Variants in RAB38 observed in about 807,000 individuals in gnomAD.
The protein encoded by RAB38 is RAB38, member RAS oncogene family.
RAB38 carries 15 observed loss-of-function variants against 18.4 expected under a neutral mutation model. The observed-to-expected ratio is 0.82, with a 90% CI of 0.55 to 1.26. The LOEUF (loss-of-function observed/expected upper bound fraction) is 1.26. Among genes scored for constraint, RAB38 ranks in the 50% most tolerant of loss-of-function variants. The pLI is 0.00. For missense variants in RAB38, 294 were observed against 267.4 expected (o/e 1.10, Z -0.69); for synonymous variants, 101 against 104.4 (o/e 0.97, Z 0.20).
the RAB38 span, among the ~76,000 whole-genome samples, chr11:87,883,425 T>C: frequency 2.6e-5 from 4 of 152,060 alleles, no homozygotes; most frequent in South Asian, 8.3e-4. Flanking sequence ...ACAGTTTCTT[T>C]ATCTGCAAAA....
chr11:87,821,681 C>G, the RAB38 span, among the ~76,000 whole-genome samples: 7 of 151,898 alleles, frequency 4.6e-5, no homozygotes, highest in Non-Finnish European at 8.8e-5. Flanking sequence ...AAAACCCCAT[C>G]TCTACTCAAA....
chr11:87,949,429 T>C, the RAB38 span, among the ~76,000 whole-genome samples: 1 of 152,230 alleles, frequency 6.6e-6, no homozygotes, highest in Non-Finnish European at 1.5e-5. Flanking sequence ...TGCCTTCTGC[T>C]AGTTTTTGAA....
At chr11:87,945,792 G>A in the RAB38 span, among the ~76,000 whole-genome samples, 3 of 152,158 alleles carry the variant, frequency 2.0e-5, no homozygotes, top group Non-Finnish European at 2.9e-5. Flanking sequence ...GCTCGTAAAT[G>A]TAAAAGCTGC....
At chr11:88,053,228 GGAATATA>G in the RAB38 span, among the ~76,000 whole-genome samples, 1 of 67,274 alleles carries the variant, frequency 1.5e-5, no homozygotes, top group South Asian at 4.1e-4. Context: ...ACATATATAT[GGAATATA>G]TATATACACA....
chr11:87,847,417 C>T, the RAB38 span, among the ~76,000 whole-genome samples: 1 of 151,872 alleles, frequency 6.6e-6, no homozygotes, highest in South Asian at 2.1e-4. Flanking sequence ...TTTCTTAAGA[C>T]ATAACTTATA....
the RAB38 span, among the ~76,000 whole-genome samples, chr11:87,884,705 A>T: frequency 1.3e-5 from 2 of 151,948 alleles, no homozygotes; most frequent in African/African-American, 4.8e-5. Context: ...CTATGACTAG[A>T]TGGGCAAAAA....
At chr11:88,030,539 A>C in the RAB38 span, among the ~76,000 whole-genome samples, 1 of 152,190 alleles carries the variant, frequency 6.6e-6, no homozygotes, top group African/African-American at 2.4e-5. Flanking sequence ...AAAAATGATA[A>C]AGAGGATATA....
At chr11:88,165,963 G>A (rs1943238730) in intron 1 of RAB38, 1 of 152,078 alleles carries the variant, frequency 6.6e-6, no homozygotes, top group Non-Finnish European at 1.5e-5. Flanking sequence ...TGGGACTCAA[G>A]GGAGGAAGAA....
At chr11:87,892,005 T>G in the RAB38 span, among the ~76,000 whole-genome samples, 1 of 151,834 alleles carries the variant, frequency 6.6e-6, no homozygotes, top group African/African-American at 2.4e-5. Flanking sequence ...ATAAGAGGCA[T>G]AATTTATATA....
At chr11:87,813,362 G>A in the RAB38 span, among the ~76,000 whole-genome samples, 10 of 152,250 alleles carry the variant, frequency 6.6e-5, no homozygotes, top group Admixed American at 1.3e-4. Flanking sequence ...CATGTTCAAG[G>A]TTAAGATTAC....
chr11:87,953,001 A>C, the RAB38 span, among the ~76,000 whole-genome samples: 29 of 152,172 alleles, frequency 1.9e-4, no homozygotes, highest in South Asian at 6.0e-3. Flanking sequence ...TAAAACATTA[A>C]AATTAAAATT....
the RAB38 span, among the ~76,000 whole-genome samples, chr11:88,069,014 G>A: frequency 1.3e-5 from 2 of 152,158 alleles, no homozygotes; most frequent in African/African-American, 4.8e-5. Flanking sequence ...GGCCAAGGCT[G>A]GAGCTGGCTC....
At chr11:87,886,289 CA>C in the RAB38 span, among the ~76,000 whole-genome samples, 1 of 151,570 alleles carries the variant, frequency 6.6e-6, no homozygotes, top group Non-Finnish European at 1.5e-5. Flanking sequence ...CAACAGTATT[CA>C]GGGGGAAAAA....
the RAB38 span, among the ~76,000 whole-genome samples, chr11:87,960,433 C>T: frequency 6.6e-6 from 1 of 151,370 alleles, no homozygotes; most frequent in African/African-American, 2.4e-5. Context: ...GGACAGAAGC[C>T]CTGGGCATGA....
At chr11:88,044,281 G>A in the RAB38 span, among the ~76,000 whole-genome samples, 3 of 152,074 alleles carry the variant, frequency 2.0e-5, no homozygotes, top group Non-Finnish European at 2.9e-5. Context: ...CTCTGGTGGG[G>A]AGGAACCCCC....
the RAB38 span, among the ~76,000 whole-genome samples, chr11:87,909,499 T>G: frequency 2.0e-5 from 3 of 152,044 alleles, no homozygotes; most frequent in South Asian, 6.2e-4. Flanking sequence ...TAAGGTATAA[T>G]TGACATACTA....
At chr11:88,141,480 T>A in intron 2 of RAB38, among the ~76,000 whole-genome samples, 1 of 152,230 alleles carries the variant, frequency 6.6e-6, no homozygotes, top group East Asian at 1.9e-4. Context: ...TATTAGGATT[T>A]GCCAAATTTT....
the RAB38 span, among the ~76,000 whole-genome samples, chr11:88,104,483 CTT>C: frequency 1.3e-5 from 2 of 152,074 alleles, no homozygotes; most frequent in Non-Finnish European, 2.9e-5. Context: ...GCCAGCCAGT[CTT>C]GAGTTTGACT....
the RAB38 span, among the ~76,000 whole-genome samples, chr11:87,870,113 A>G: frequency 3.3e-5 from 5 of 151,720 alleles, no homozygotes; most frequent in Non-Finnish European, 7.4e-5. Context: ...TATTTAGTTT[A>G]GTCATAATAT....
Sources: allele counts gnomAD v4.1 joint callset (sites outside exome capture counted in the v4.1 genomes callset), GRCh38; gene constraint gnomAD v4.1.1; transcripts MANE v1.5; gene names NCBI Gene and HGNC (gene_info 2026-07-23, HGNC 2026-07-21).